Variants in MYCBP2 observed in about 807,000 individuals in gnomAD.
MYCBP2 encodes E3 ubiquitin-protein ligase MYCBP2.
In MYCBP2, 120 loss-of-function variants were observed where a neutral mutation model predicts 525.3. That is an observed-to-expected ratio of 0.23 (90% CI 0.20 to 0.27). MYCBP2 has a LOEUF of 0.27. MYCBP2 is among the 10% of genes least tolerant of loss of function. The pLI is 1.00. For synonymous variants in MYCBP2, 1,894 were observed against 1,955.8 expected (o/e 0.97, Z 0.83); for missense variants, 4,149 against 5,657.1 (o/e 0.73, Z 8.55).
intron 55 of MYCBP2, among the ~76,000 whole-genome samples, chr13:77,113,592 C>G (rs961535332): frequency 4.6e-5 from 7 of 152,048 alleles, no homozygotes; most frequent in Non-Finnish European, 8.8e-5. Flanking sequence ...AAGGTCAAAT[C>G]AAGCCAGGAG....
At position 77,267,956 on chromosome 13, in the gene MYCBP2, T is replaced by G. The variant is rs774585789; in HGVS notation, c.1261-19A>C. Reference sequence around the variant, plus strand: ...AATAACCCTGATAACAGCAAAAAATTTTCCTGTTAAAATATTTATTACTAA... The same window carrying G: ...AATAACCCTGATAACAGCAAAAAATGTTCCTGTTAAAATATTTATTACTAA... On this transcript the variant is annotated intron_variant, in intron 7 of 82. Coordinates refer to ENST00000544440, the MANE Select transcript of MYCBP2 (RefSeq NM_015057.5). 6.4e-7 allele frequency: 1 copy of G among 1,556,168 alleles called. No individual in the cohort carries two copies. Among genetic ancestry groups the G allele is most frequent in the Middle Eastern group, 1.7e-4 (1 of 5,938 alleles).
intron 19 of MYCBP2, among the ~76,000 whole-genome samples, 168 bp from the exon 20 acceptor site, chr13:77,224,700 A>G (rs2066019484): frequency 6.6e-6 from 1 of 152,220 alleles, no homozygotes; most frequent in African/African-American, 2.4e-5. Context: ...TTTAGTTCTG[A>G]AAAATATTTT....
Position 77,053,133 on chromosome 13 carries a change from G to A in MYCBP2, c.13648-1215C>T, listed in dbSNP as rs377110074. On this transcript the variant is annotated intron_variant, in intron 80 of 82. Coordinates refer to ENST00000544440, the MANE Select transcript of MYCBP2 (RefSeq NM_015057.5). ...AGCCTGGGTGATATGGTGAGACCCC[G>A]TCTCAAAAAAAAAAAAAAGGCAAAT... Among the ~76,000 whole-genome samples the A allele has an allele frequency of 1.3e-4, 19 of 146,826 alleles. No homozygotes were observed. The South Asian group carries it at 3.6e-3, about 28-fold the overall frequency.
At chr13:77,225,618 A>G (rs1052573560) in intron 18 of MYCBP2, 64 bp from the exon 19 acceptor site, 40 of 1,589,366 alleles carry the variant, frequency 2.5e-5, no homozygotes, top group African/African-American at 2.0e-4. Context: ...TAAAAATTTA[A>G]ATCAGTTTAT....
At chr13:77,234,199 A>G (rs2067550697) in intron 17 of MYCBP2, among the ~76,000 whole-genome samples, 1 of 151,996 alleles carries the variant, frequency 6.6e-6, no homozygotes, top group Non-Finnish European at 1.5e-5. Flanking sequence ...TTTCTTATAC[A>G]GCAGAACTAT....
At chr13:77,201,701 C>A (rs971112174) in intron 26 of MYCBP2, among the ~76,000 whole-genome samples, 1 of 151,858 alleles carries the variant, frequency 6.6e-6, no homozygotes, top group Non-Finnish European at 1.5e-5. Context: ...GTCTCTCAGA[C>A]CACAGTGCAA....
chr13:77,190,320 G>C lies in MYCBP2; in HGVS notation c.4086C>G (p.Phe1362Leu). Reference sequence around the variant, plus strand: ...CATTATTTGATTTCTTTGAACTCTTGAACTGGAAAACAACCCTAAGAAGAG... The same window carrying C: ...CATTATTTGATTTCTTTGAACTCTTCAACTGGAAAACAACCCTAAGAAGAG... ...ITTDDGVVFQ[F>L]KSSKKSNNGT... is the part of the protein sequence containing the mutation. The change falls in exon 29 of 83, where the codon TTC becomes TTG. Residue 1362 changes from phenylalanine to leucine, a missense_variant. By Grantham distance (22) the Phe-to-Leu change is conservative (BLOSUM62 0). Coordinates refer to ENST00000544440, the MANE Select transcript of MYCBP2 (RefSeq NM_015057.5). 1 of 1,606,834 alleles carries C rather than the reference G, an allele frequency of 6.2e-7. No individual in the cohort carries two copies. The highest frequency in any genetic ancestry group is 8.5e-7 in the Non-Finnish European group (1 of 1,175,084).
At chr13:77,099,333 C>T (rs2046719429) in intron 55 of MYCBP2, 1 of 262,980 alleles carries the variant, frequency 3.8e-6, no homozygotes, top group African/African-American at 2.3e-5. Flanking sequence ...CAGTGAGGGA[C>T]TAGAAAGAGA....
At position 77,166,310 on chromosome 13, in the gene MYCBP2, G is replaced by GA; in HGVS notation, c.6340+18dup. 1 of 1,532,004 alleles carries GA rather than the reference G, an allele frequency of 6.5e-7. No individual in the cohort carries two copies. Among genetic ancestry groups the GA allele is most frequent in the Non-Finnish European group, 8.9e-7 (1 of 1,127,832 alleles). The allele number at this position is 1,532,004 out of a possible 1,614,324, so 94.9% of individuals were successfully genotyped here. A position where few individuals can be genotyped will look rare whatever the true frequency, so the allele number is the denominator to read the frequency against. ...TGCACTTATTTTACCACATAAAACA[G>GA]AAGAAAAAAAAAACTTACCTGGCAA... On this transcript the variant is annotated intron_variant, in intron 41 of 82. Coordinates refer to ENST00000544440, the MANE Select transcript of MYCBP2 (RefSeq NM_015057.5).
intron 2 of MYCBP2, among the ~76,000 whole-genome samples, chr13:77,294,309 T>C (rs938706795): frequency 3.3e-5 from 5 of 151,506 alleles, no homozygotes; most frequent in Non-Finnish European, 5.9e-5. Context: ...ATGCTTTCCA[T>C]GAGCAAAAAA....
chr13:77,096,540 C>G (rs2046281166), intron 56 of MYCBP2, 59 bp from the exon 57 acceptor site: 2 of 1,540,330 alleles, frequency 1.3e-6, no homozygotes, highest in African/African-American at 1.4e-5. Flanking sequence ...TAGTTTGATC[C>G]TTATTACTCA....
chr13:77,092,815 G>A (rs886601947), intron 59 of MYCBP2, among the ~76,000 whole-genome samples: 9 of 152,128 alleles, frequency 5.9e-5, no homozygotes, highest in African/African-American at 2.2e-4. Context: ...ACCTAAGTTA[G>A]GAGGCACTGT....
intron 68 of MYCBP2, 74 bp downstream of exon 68, chr13:77,076,677 G>T: frequency 1.2e-6 from 1 of 861,428 alleles, no homozygotes. Flanking sequence ...AAAATATACA[G>T]CAATAAATGA....
intron 26 of MYCBP2, among the ~76,000 whole-genome samples, chr13:77,201,628 A>C (rs2062576764): frequency 6.6e-6 from 1 of 150,996 alleles, no homozygotes. Context: ...TCCAAAATTG[A>C]CCACATACTT....
intron 47 of MYCBP2, among the ~76,000 whole-genome samples, chr13:77,149,912 T>C (rs188837650): frequency 1.3e-5 from 2 of 152,280 alleles, no homozygotes; most frequent in Admixed American, 1.3e-4. Flanking sequence ...CCAAGTCATG[T>C]TTCTTGATCA....
intron 28 of MYCBP2, 86 bp downstream of exon 28, chr13:77,191,592 TC>T: frequency 6.8e-7 from 1 of 1,464,514 alleles, no homozygotes; most frequent in Non-Finnish European, 9.3e-7. Flanking sequence ...AGCTTTTGAA[TC>T]CTGCTGAAAG....
In MYCBP2 at chr13:77,156,137, A is replaced by G. The variant is rs756940328; in HGVS notation, c.6836T>C (p.Ile2279Thr). Residue 2279 changes from isoleucine (I) to threonine (T), a missense_variant, in exon 46 of 83, where the codon ATT becomes ACT. Physicochemically the swap from Ile to Thr is moderately conservative, Grantham distance 89. Coordinates refer to ENST00000544440, the MANE Select transcript of MYCBP2 (RefSeq NM_015057.5). ...TATGGTGGTAGGCCAACCACAACGA[A>G]TATCATCCTTATTCAGGATCAAAGA... is the stretch of plus-strand genomic sequence containing the variant. ...KTSLILNKDD[I>T]RCGWPTTITV... is the part of the protein sequence containing the mutation. The G allele has an allele frequency of 8.7e-6, 14 of 1,613,920 alleles. No homozygotes were observed. The African/African-American group carries it at 1.3e-4, about 15-fold the overall frequency.
intron 55 of MYCBP2, among the ~76,000 whole-genome samples, chr13:77,112,791 C>T (rs1223687125): frequency 6.6e-6 from 1 of 152,094 alleles, no homozygotes; most frequent in Non-Finnish European, 1.5e-5. Flanking sequence ...CCTCACCCTC[C>T]TGCATTATTA....
intron 14 of MYCBP2, among the ~76,000 whole-genome samples, chr13:77,254,893 C>G (rs1300851099): frequency 1.3e-5 from 2 of 151,860 alleles, no homozygotes; most frequent in African/African-American, 4.8e-5. Flanking sequence ...AACATCATGT[C>G]CTTCAGTTCT....
Sources: allele counts gnomAD v4.1 joint callset (sites outside exome capture counted in the v4.1 genomes callset), GRCh38; gene constraint gnomAD v4.1.1; transcripts MANE v1.5; gene names NCBI Gene and HGNC (gene_info 2026-07-23, HGNC 2026-07-21).